The following SUPT3H variants were observed in gnomAD, a reference collection of about 807,000 sequenced individuals.
SUPT3H encodes SPT3 homolog, SAGA and STAGA complex component.
SUPT3H carries 44 observed loss-of-function variants against 44.3 expected under a neutral mutation model. The observed-to-expected ratio is 0.99, with a 90% CI of 0.78 to 1.28. SUPT3H has a LOEUF of 1.28. Ranked by LOEUF, SUPT3H falls within the 50% of genes most tolerant of loss-of-function variation. The pLI is 0.00. For synonymous variants in SUPT3H, 124 were observed against 125.6 expected, an observed-to-expected ratio of 0.99 and a Z score of 0.09; for missense variants, 380 against 387.1, an observed-to-expected ratio of 0.98 and a Z score of 0.15.
chr6:45,226,349 G>T (rs1172668612), intron 2 of SUPT3H, among the ~76,000 whole-genome samples: 2 of 152,098 alleles, frequency 1.3e-5, no homozygotes, highest in Non-Finnish European at 2.9e-5. Flanking sequence ...GTGTGTGTGT[G>T]TGTATAACGT....
chr6:44,983,097 A>G (rs1779327288), intron 6 of SUPT3H, among the ~76,000 whole-genome samples: 2 of 152,228 alleles, frequency 1.3e-5, no homozygotes, highest in African/African-American at 4.8e-5. Flanking sequence ...AATGTATGTC[A>G]ATGCTCTTTG....
intron 10 of SUPT3H, among the ~76,000 whole-genome samples, chr6:44,910,977 A>G (rs1396475436): frequency 7.4e-6 from 1 of 135,004 alleles, no homozygotes; most frequent in African/African-American, 2.7e-5. Flanking sequence ...CCTGGGCAAC[A>G]GAGTGAGACT....
chr6:45,027,716 G>C (rs981750976), intron 3 of SUPT3H, among the ~76,000 whole-genome samples: 3 of 152,166 alleles, frequency 2.0e-5, no homozygotes, highest in African/African-American at 7.2e-5. Flanking sequence ...TTCTGAGAAA[G>C]GGTGCAAGGG....
chr6:45,134,331 C>G (rs182718941), intron 2 of SUPT3H, among the ~76,000 whole-genome samples: 1 of 152,306 alleles, frequency 6.6e-6, no homozygotes, highest in Admixed American at 6.5e-5. Context: ...TAGGCTCAAC[C>G]TCGCAATACT....
intron 2 of SUPT3H, among the ~76,000 whole-genome samples, chr6:45,133,641 G>C (rs1282825264): frequency 6.6e-6 from 1 of 152,162 alleles, no homozygotes; most frequent in Admixed American, 6.5e-5. Flanking sequence ...TGGAACTACT[G>C]AATTTTGGGT....
At position 45,358,466 on chromosome 6, in the gene SUPT3H, A is replaced by G. The variant is rs200062788; in HGVS notation, c.101+6735T>C. ...AAATCCTTTCTTCTCTATAATTATG[A>G]AATTCTTCCCATTAAATTGCAAATA... On this transcript the variant is annotated intron_variant, in intron 2 of 10. Transcript: ENST00000371459. Among the ~76,000 whole-genome samples the G allele has an allele frequency of 7.2e-5, 11 of 152,296 alleles. No individual in the cohort carries two copies. The East Asian group carries it at 2.1e-3, about 29-fold the overall frequency.
chr6:44,831,635 A>T (rs1281861781), intron 10 of SUPT3H, among the ~76,000 whole-genome samples: 1 of 152,170 alleles, frequency 6.6e-6, no homozygotes, highest in Non-Finnish European at 1.5e-5. Context: ...AAGCACAGGG[A>T]TGGTTTTATA....
intron 2 of SUPT3H, among the ~76,000 whole-genome samples, chr6:45,260,057 T>C (rs1029121782): frequency 6.6e-6 from 1 of 152,192 alleles, no homozygotes; most frequent in Admixed American, 6.5e-5. Context: ...CATCGAAGTC[T>C]AAAATACCTC....
intron 10 of SUPT3H, among the ~76,000 whole-genome samples, chr6:44,902,752 T>C (rs1175465414): frequency 6.6e-6 from 1 of 152,186 alleles, no homozygotes; most frequent in African/African-American, 2.4e-5. Flanking sequence ...ACACTGCACT[T>C]ACTCCAAAAT....
In SUPT3H at chr6:44,881,813, A is replaced by T. The variant is rs1778264952; in HGVS notation, c.912+50840T>A. ...GGGTAAATAATAAAATTAAGGCAGA[A>T]GTAAATAAGTTCTTCGAAGCCAATG... On this transcript the variant is annotated intron_variant, in intron 10 of 10. Transcript: ENST00000371459. 2.0e-5 allele frequency among the ~76,000 whole-genome samples: 3 copies of T among 152,210 alleles called. 1 individual carries two copies. The highest frequency in any genetic ancestry group is 4.4e-5 in the Non-Finnish European group (3 of 68,038).
intron 10 of SUPT3H, among the ~76,000 whole-genome samples, chr6:44,844,527 AC>A (rs1771548379): frequency 6.6e-6 from 1 of 152,220 alleles, no homozygotes; most frequent in Admixed American, 6.5e-5. Flanking sequence ...AATGCGGTAC[AC>A]CCATAGAAGG....
At chr6:45,015,058 A>C (rs1370948121) in intron 4 of SUPT3H, among the ~76,000 whole-genome samples, 167 bp from the exon 5 acceptor site, 2 of 152,182 alleles carry the variant, frequency 1.3e-5, no homozygotes, top group Non-Finnish European at 1.5e-5. Flanking sequence ...CATCAAACAC[A>C]AAGGCTAAAA....
chr6:45,256,992 T>C (rs1040158010), intron 2 of SUPT3H, among the ~76,000 whole-genome samples: 2 of 152,244 alleles, frequency 1.3e-5, no homozygotes, highest in African/African-American at 4.8e-5. Context: ...ATTCGACGTT[T>C]AATGGTTTGA....
At chr6:45,138,653 C>T (rs1213062937) in intron 2 of SUPT3H, among the ~76,000 whole-genome samples, 3 of 151,684 alleles carry the variant, frequency 2.0e-5, no homozygotes. Context: ...ATATGAAATG[C>T]CCAGAAGAGG....
At chr6:44,936,837 T>C (rs1771513759) in intron 9 of SUPT3H, among the ~76,000 whole-genome samples, 1 of 152,064 alleles carries the variant, frequency 6.6e-6, no homozygotes, top group African/African-American at 2.4e-5. Context: ...TGGCTTATTT[T>C]TGTATTGTTA....
chr6:45,348,333 T>A (rs901305045), intron 2 of SUPT3H, among the ~76,000 whole-genome samples: 12 of 151,964 alleles, frequency 7.9e-5, no homozygotes, highest in Admixed American at 6.6e-4. Context: ...AAAAAAATTC[T>A]CTACCATTAG....
intron 10 of SUPT3H, among the ~76,000 whole-genome samples, chr6:44,845,972 G>A (rs1337602407): frequency 1.3e-5 from 2 of 152,286 alleles, no homozygotes; most frequent in African/African-American, 4.8e-5. Context: ...AGCTGCCTAT[G>A]GACGGCTAAA....
At position 45,313,802 on chromosome 6, in the gene SUPT3H, G is replaced by A. The variant is rs114054077; in HGVS notation, c.101+51399C>T. ...CACTAATCCATTCTATGAAGCCAGC[G>A]TCACCCTAATAACAAAACCAGGGAA... On this transcript the variant is annotated intron_variant, in intron 2 of 10. Coordinates refer to ENST00000371459, the MANE Select transcript of SUPT3H (RefSeq NM_003599.4). Among the ~76,000 whole-genome samples the A allele has an allele frequency of 7.9e-3, 1,198 of 151,798 alleles. 16 individuals are homozygous for A. The highest frequency in any genetic ancestry group is 0.026 in the African/African-American group (1,099 of 41,490).
At chr6:45,099,169 A>T (rs1347215923) in intron 3 of SUPT3H, 1 of 282,596 alleles carries the variant, frequency 3.5e-6, no homozygotes, top group East Asian at 1.1e-4. Flanking sequence ...CAATGGGACC[A>T]CCCTTTCCTT....
Sources: gnomAD v4.1 joint callset for allele counts (sites outside exome capture counted in the v4.1 genomes callset) on GRCh38, gnomAD v4.1.1 for gene constraint, MANE v1.5 for transcripts, NCBI Gene and HGNC (gene_info 2026-07-23, HGNC 2026-07-21) for gene names.